Variants in BAZ2B observed in about 807,000 individuals in gnomAD.
The protein encoded by BAZ2B is bromodomain adjacent to zinc finger domain 2B.
A neutral mutation model predicts 246.0 loss-of-function variants in BAZ2B; 91 were observed. That is an observed-to-expected ratio of 0.37 (90% confidence interval 0.31 to 0.44). The LOEUF is 0.44. Among genes scored for constraint, BAZ2B ranks in the 20% least tolerant of loss-of-function variants. BAZ2B has a pLI of 1.00. For synonymous variants in BAZ2B, 855 were observed against 860.0 expected (o/e 0.99, Z 0.10); for missense variants, 2,332 against 2,533.7 (o/e 0.92, Z 1.71).
the BAZ2B span, among the ~76,000 whole-genome samples, chr2:159,667,150 CTG>C: frequency 2.0e-4 from 14 of 70,684 alleles, no homozygotes; most frequent in Non-Finnish European, 2.6e-4. Flanking sequence ...GATTTTTCTC[CTG>C]TTTTTTTTTT....
chr2:159,533,551 C>T (rs1240436196), intron 2 of BAZ2B, among the ~76,000 whole-genome samples: 1 of 152,062 alleles, frequency 6.6e-6, no homozygotes, highest in African/African-American at 2.4e-5. Context: ...GGCAATCTTT[C>T]AAAATCCCTT....
intron 27 of BAZ2B, among the ~76,000 whole-genome samples, chr2:159,367,688 A>T (rs1398979812): frequency 6.6e-6 from 1 of 152,078 alleles, no homozygotes; most frequent in Non-Finnish European, 1.5e-5. Context: ...GATCGAGACC[A>T]TCCTGGCTAA....
At chr2:159,457,831 A>G (rs1448367696) in intron 3 of BAZ2B, among the ~76,000 whole-genome samples, 3 of 152,130 alleles carry the variant, frequency 2.0e-5, no homozygotes, top group Non-Finnish European at 2.9e-5. Flanking sequence ...GAAACGTCCT[A>G]TACCTGCTAT....
At chr2:159,571,986 C>T (rs1459205112) in intron 1 of BAZ2B, among the ~76,000 whole-genome samples, 2 of 152,224 alleles carry the variant, frequency 1.3e-5, no homozygotes, top group African/African-American at 4.8e-5. Context: ...CAAGTTTCAA[C>T]ATGATTTTTG....
At chr2:159,712,402 C>CCCGCAGCTCTCGGTCCCCG in the BAZ2B span, 1 of 152,704 alleles carries the variant, frequency 6.5e-6, no homozygotes, top group Non-Finnish European at 1.5e-5. Flanking sequence ...CTCCAGCCCG[C>CCCGCAGCTCTCGGTCCCCG]CCGCAGCTCT....
chr2:159,320,492 A>C, intron 36 of BAZ2B, 74 bp from the exon 37 acceptor site: 1 of 1,292,212 alleles, frequency 7.7e-7, no homozygotes, highest in Non-Finnish European at 1.1e-6. Flanking sequence ...AGAGTTAATA[A>C]AGGGTAAAAA....
At chr2:159,328,105 T>A (rs1180191740) in intron 34 of BAZ2B, among the ~76,000 whole-genome samples, 1 of 149,252 alleles carries the variant, frequency 6.7e-6, no homozygotes, top group Non-Finnish European at 1.5e-5. Context: ...AGTATGAAAT[T>A]GAAATCACAG....
At chr2:159,343,351 T>A (rs1049901203) in intron 31 of BAZ2B, among the ~76,000 whole-genome samples, 2 of 152,096 alleles carry the variant, frequency 1.3e-5, no homozygotes, top group African/African-American at 4.8e-5. Flanking sequence ...ATATTTTATA[T>A]ATAAAACTTC....
chr2:159,651,480 T>C, the BAZ2B span, among the ~76,000 whole-genome samples: 1 of 152,194 alleles, frequency 6.6e-6, no homozygotes, highest in Non-Finnish European at 1.5e-5. Context: ...GGCAGTAGTG[T>C]AGGTTTTCAT....
At chr2:159,588,871 C>T in intron 1 of BAZ2B, among the ~76,000 whole-genome samples, 1 of 152,096 alleles carries the variant, frequency 6.6e-6, no homozygotes, top group Non-Finnish European at 1.5e-5. Flanking sequence ...GAAATTATTT[C>T]CTCAAATACT....
intron 1 of BAZ2B, among the ~76,000 whole-genome samples, chr2:159,596,660 C>A (rs1470423966): frequency 6.6e-6 from 1 of 152,156 alleles, no homozygotes; most frequent in Non-Finnish European, 1.5e-5. Flanking sequence ...AATTTGTAAT[C>A]TTTTATCCCT....
intron 34 of BAZ2B, among the ~76,000 whole-genome samples, chr2:159,331,455 CCT>C (rs1309858245): frequency 1.3e-5 from 2 of 152,194 alleles, no homozygotes; most frequent in Admixed American, 1.3e-4. Flanking sequence ...GCAACCTCCA[CCT>C]CTGAGGTTCA....
At chr2:159,541,077 T>C (rs1336431733) in intron 2 of BAZ2B, among the ~76,000 whole-genome samples, 3 of 152,160 alleles carry the variant, frequency 2.0e-5, no homozygotes, top group Non-Finnish European at 2.9e-5. Flanking sequence ...TTCTAAGAAA[T>C]GGGGTGATAC....
chr2:159,431,081 G>T lies in BAZ2B; in HGVS notation c.1976C>A (p.Ser659Ter). 6.2e-7 allele frequency: 1 copy of T among 1,613,902 alleles called. No homozygotes were observed. The highest frequency in any genetic ancestry group is 1.1e-5 in the South Asian group (1 of 91,064). Residue 659 changes from serine (S) to a stop codon, truncating the protein, a stop_gained, in exon 10 of 37, where the codon TCA (serine) becomes TAA (stop). Transcript: ENST00000392783. LOFTEE classifies it high-confidence loss of function. ...EDDDDKDQDE[S>*]DSDTEGEKTS... The stretch of plus-strand genomic sequence containing the variant: ...TTTCTCTCCTTCAGTATCACTATCT[G>T]ATTCATCTTGGTCTTTATCATCATC...
chr2:159,414,013 CA>C (rs2067236023), intron 13 of BAZ2B, among the ~76,000 whole-genome samples: 1 of 152,154 alleles, frequency 6.6e-6, no homozygotes. Flanking sequence ...AGAGGTAACC[CA>C]TATGTCAGAT....
intron 13 of BAZ2B, among the ~76,000 whole-genome samples, chr2:159,417,881 G>A (rs2068041808): frequency 6.6e-6 from 1 of 152,200 alleles, no homozygotes; most frequent in South Asian, 2.1e-4. Context: ...AGAGTTTAGA[G>A]CTTGGGAGAG....
the BAZ2B span, among the ~76,000 whole-genome samples, chr2:159,650,491 T>C: frequency 6.6e-6 from 1 of 152,162 alleles, no homozygotes; most frequent in African/African-American, 2.4e-5. Flanking sequence ...TGAGGTTTTC[T>C]AGTCTGGTAG....
intron 25 of BAZ2B, among the ~76,000 whole-genome samples, chr2:159,381,844 T>C (rs1030109015): frequency 2.0e-5 from 3 of 152,204 alleles, no homozygotes; most frequent in South Asian, 2.1e-4. Flanking sequence ...GGTTTCCTGC[T>C]TCTGTGCCCT....
intron 8 of BAZ2B, chr2:159,437,595 T>C (rs2072617297): frequency 6.6e-6 from 1 of 152,100 alleles, no homozygotes; most frequent in Non-Finnish European, 1.5e-5. Context: ...ACTACAGAGG[T>C]AAATTACTTG....
Sources: allele counts gnomAD v4.1 joint callset (sites outside exome capture counted in the v4.1 genomes callset), GRCh38; gene constraint gnomAD v4.1.1; transcripts MANE v1.5; gene names NCBI Gene and HGNC (gene_info 2026-07-23, HGNC 2026-07-21).